The following FDX1 variants were observed in gnomAD, a reference collection of about 807,000 sequenced individuals.
FDX1 encodes the protein adrenodoxin, mitochondrial.
FDX1 carries 9 observed loss-of-function variants against 14.9 expected under a neutral mutation model. That is an observed-to-expected ratio of 0.60 (90% CI 0.36 to 1.05). The LOEUF (loss-of-function observed/expected upper bound fraction) is 1.05. Ranked by LOEUF, FDX1 falls within the 50% of genes least tolerant of loss-of-function variation. The pLI, the probability that FDX1 is intolerant of heterozygous loss-of-function variation, is 0.01. For synonymous variants in FDX1, 92 were observed against 99.4 expected (o/e 0.93, Z 0.44); for missense variants, 204 against 237.2 (o/e 0.86, Z 0.92).
At chr11:110,437,533 T>A (rs1946378205) in intron 2 of FDX1, among the ~76,000 whole-genome samples, 1 of 152,102 alleles carries the variant, frequency 6.6e-6, no homozygotes, top group Admixed American at 6.5e-5. Flanking sequence ...CTCATTGTGG[T>A]TTTGATTTGT....
At chr11:110,443,192 C>G (rs961866722) in intron 2 of FDX1, among the ~76,000 whole-genome samples, 1 of 152,084 alleles carries the variant, frequency 6.6e-6, no homozygotes, top group African/African-American at 2.4e-5. Flanking sequence ...GTTGAAGACA[C>G]AAAACTGTGG....
chr11:110,446,438 T>G (rs1946450628), intron 2 of FDX1, among the ~76,000 whole-genome samples: 3 of 152,226 alleles, frequency 2.0e-5, no homozygotes, highest in African/African-American at 7.2e-5. Flanking sequence ...TTCTAGATAT[T>G]GATAAACTCT....
At chr11:110,450,369 G>A (rs1308562077) in intron 2 of FDX1, among the ~76,000 whole-genome samples, 1 of 151,822 alleles carries the variant, frequency 6.6e-6, no homozygotes, top group East Asian at 1.9e-4. Flanking sequence ...TCCCCCACAT[G>A]CACAGTTCAC....
At chr11:110,446,469 A>C (rs951357963) in intron 2 of FDX1, among the ~76,000 whole-genome samples, 1 of 152,234 alleles carries the variant, frequency 6.6e-6, no homozygotes, top group Non-Finnish European at 1.5e-5. Flanking sequence ...TCCTTAGCTC[A>C]GACCTCTCCT....
intron 2 of FDX1, among the ~76,000 whole-genome samples, chr11:110,453,928 C>T (rs1176555534): frequency 6.6e-6 from 1 of 152,086 alleles, no homozygotes; most frequent in East Asian, 1.9e-4. Context: ...CTTATAGTTT[C>T]TATTATATTT....
upstream of FDX1, chr11:110,429,756 A>C: frequency 3.7e-5 from 6 of 163,332 alleles, no homozygotes; most frequent in Non-Finnish European, 5.3e-5. Flanking sequence ...ACGTCCAGCT[A>C]TCTTTCAAAA....
At chr11:110,452,696 A>G (rs1334987520) in intron 2 of FDX1, among the ~76,000 whole-genome samples, 1 of 152,236 alleles carries the variant, frequency 6.6e-6, no homozygotes, top group African/African-American at 2.4e-5. Flanking sequence ...ACACCACCAG[A>G]TACCTACTAG....
At position 110,443,928 on chromosome 11, in the gene FDX1, ATTGAT is replaced by A. The variant is rs1344477366; in HGVS notation, c.310+7973_310+7977del. 9.3e-5 allele frequency among the ~76,000 whole-genome samples: 14 copies of A among 150,942 alleles called. 1 individual carries two copies. The highest frequency in any genetic ancestry group is 9.2e-4 in the Admixed American group (14 of 15,146). The stretch of plus-strand genomic sequence containing the variant: ...TTTTTAATGAGGTTGTTTTTTGCTT[ATTGAT>A]TTAAGTTCCCTATAGATTCTGGATA... On this transcript the variant is annotated intron_variant, in intron 2 of 3. Coordinates refer to ENST00000260270, the MANE Select transcript of FDX1 (RefSeq NM_004109.5).
chr11:110,442,272 T>A (rs556196396), intron 2 of FDX1, among the ~76,000 whole-genome samples: 1 of 152,342 alleles, frequency 6.6e-6, no homozygotes, highest in South Asian at 2.1e-4. Flanking sequence ...CTAGTGGAGC[T>A]GTGCGAAGAG....
intron 1 of FDX1, among the ~76,000 whole-genome samples, chr11:110,435,112 A>C (rs111971680): frequency 0.17 from 25,347 of 151,610 alleles, 2,204 homozygotes; most frequent in East Asian, 0.25. Flanking sequence ...GCAGTGGTGC[A>C]ATCATATCCC....
intron 2 of FDX1, among the ~76,000 whole-genome samples, chr11:110,456,331 C>G (rs1046269214): frequency 6.6e-6 from 1 of 151,998 alleles, no homozygotes; most frequent in African/African-American, 2.4e-5. Context: ...CTTGTAAGCT[C>G]TCTATTAGGA....
chr11:110,447,443 AC>A (rs1462307867), intron 2 of FDX1, among the ~76,000 whole-genome samples: 3 of 151,892 alleles, frequency 2.0e-5, no homozygotes, highest in Admixed American at 6.6e-5. Context: ...GCAAAGTGAG[AC>A]TCCTTCAAAC....
intron 3 of FDX1, among the ~76,000 whole-genome samples, chr11:110,461,112 G>T (rs1946553696): frequency 6.6e-6 from 1 of 152,056 alleles, no homozygotes; most frequent in South Asian, 2.1e-4. Context: ...TTCAAATATG[G>T]CACAGTCTTA....
chr11:110,440,093 G>T (rs912455484), intron 2 of FDX1, among the ~76,000 whole-genome samples: 1 of 152,100 alleles, frequency 6.6e-6, no homozygotes, highest in South Asian at 2.1e-4. Context: ...TAGGATCTTT[G>T]TATCTTTATG....
intron 1 of FDX1, among the ~76,000 whole-genome samples, 158 bp downstream of exon 1, chr11:110,430,463 C>T (rs1436716602): frequency 6.6e-6 from 1 of 152,206 alleles, no homozygotes; most frequent in Non-Finnish European, 1.5e-5. Context: ...GGTGCTCTCG[C>T]GGCTCCGTCT....
chr11:110,443,012 A>G (rs903331664), intron 2 of FDX1, among the ~76,000 whole-genome samples: 1 of 152,190 alleles, frequency 6.6e-6, no homozygotes, highest in Non-Finnish European at 1.5e-5. Context: ...GCCTGACGCC[A>G]TCCATGTAAG....
intron 3 of FDX1, 49 bp downstream of exon 3, chr11:110,457,096 ATGT>A (rs1946527370): frequency 1.3e-6 from 2 of 1,518,956 alleles, no homozygotes; most frequent in South Asian, 2.4e-5. Flanking sequence ...GGGAACATAG[ATGT>A]TGTATTATGT....
upstream of FDX1, chr11:110,429,919 C>T: frequency 2.9e-6 from 1 of 347,352 alleles, no homozygotes; most frequent in Non-Finnish European, 5.1e-6. Context: ...GCTCTGCTTG[C>T]CAATGTCTTT....
rs778009625 is a variant in FDX1, at chr11:110,463,499, G to A, written c.*1031G>A. ...TAAATTCATAAAAGTTAACAAAGGGGTACACAGTATGGTCTTTGGAAATAT... is the reference window on the plus strand; with the variant it reads ...TAAATTCATAAAAGTTAACAAAGGGATACACAGTATGGTCTTTGGAAATAT... On this transcript the variant is annotated 3_prime_UTR_variant, in exon 4 of 4. Coordinates refer to ENST00000260270, the MANE Select transcript of FDX1 (RefSeq NM_004109.5). 2 of 152,186 alleles carry A rather than the reference G, an allele frequency of 1.3e-5. No individual in the cohort carries two copies. The highest frequency in any genetic ancestry group is 3.8e-4 in the East Asian group (2 of 5,206). The allele number at this position is 152,186 out of a possible 1,614,324, so 9.4% of individuals were successfully genotyped here.
Sources: gnomAD v4.1 joint callset for allele counts (sites outside exome capture counted in the v4.1 genomes callset) on GRCh38, gnomAD v4.1.1 for gene constraint, MANE v1.5 for transcripts, NCBI Gene and HGNC (gene_info 2026-07-23, HGNC 2026-07-21) for gene names.